The following RIMBP2 variants were observed in gnomAD, a reference collection of about 807,000 sequenced individuals.
RIMBP2 encodes RIMS binding protein 2.
Under a neutral mutation model 118.6 loss-of-function variants are expected in RIMBP2, and 48 were observed. The observed-to-expected ratio is 0.40, with a 90% confidence interval of 0.32 to 0.51. The LOEUF (loss-of-function observed/expected upper bound fraction) is 0.51, where lower values mean the gene tolerates loss of function less well. Among genes scored for constraint, RIMBP2 ranks in the 20% least tolerant of loss-of-function variants. The probability of loss-of-function intolerance (pLI) is 0.41; values close to 1 mark genes in which losing one functional copy is unlikely to be tolerated. For missense variants in RIMBP2, 1,551 were observed against 1,768.3 expected (o/e 0.88, Z 2.20); for synonymous variants, 762 against 742.9 (o/e 1.03, Z -0.42).
chr12:130,409,415 T>C (rs1451505495), intron 19 of RIMBP2, among the ~76,000 whole-genome samples: 1 of 134,686 alleles, frequency 7.4e-6, no homozygotes. Flanking sequence ...CGATCCCGGC[T>C]CACTGCAAGC....
chr12:130,496,652 T>C lies in RIMBP2; in HGVS notation c.-4+9996A>G, dbSNP rs568914202. The stretch of plus-strand genomic sequence containing the variant: ...CCTTCTATGTCGGGCCCCCAGCAGC[T>C]ATGGCGCTGGGCAGGCCCGCTCCCC... On this transcript the variant is annotated intron_variant, in intron 4 of 22. Coordinates refer to ENST00000690449, the MANE Select transcript of RIMBP2 (RefSeq NM_001393629.1). Among the ~76,000 whole-genome samples the C allele has an allele frequency of 1.5e-4, 20 of 129,070 alleles. No individual in the cohort carries two copies. The Admixed American group carries it at 1.6e-3, about 10-fold the overall frequency. The allele number at this position is 129,070 out of a possible 152,430, so 84.7% of individuals were successfully genotyped here.
chr12:130,428,066 A>G, intron 15 of RIMBP2, 113 bp downstream of exon 15: 3 of 963,368 alleles, frequency 3.1e-6, no homozygotes, highest in Non-Finnish European at 4.5e-6. Context: ...TCCGAGGGCT[A>G]CTGGTTGTAG....
At chr12:130,432,084 G>A in intron 14 of RIMBP2, 1 of 370,864 alleles carries the variant, frequency 2.7e-6, no homozygotes, top group Non-Finnish European at 5.3e-6. Flanking sequence ...AACCAGTGGG[G>A]GTATGGGTCC....
chr12:130,702,691 T>A (rs1357511277), intron 1 of RIMBP2, among the ~76,000 whole-genome samples: 2 of 152,012 alleles, frequency 1.3e-5, no homozygotes, highest in Non-Finnish European at 2.9e-5. Context: ...GCCCTTCCTG[T>A]TTTGTTAGTA....
intron 2 of RIMBP2, among the ~76,000 whole-genome samples, chr12:130,590,999 A>G (rs1251983804): frequency 6.6e-6 from 1 of 152,218 alleles, no homozygotes; most frequent in Non-Finnish European, 1.5e-5. Flanking sequence ...AACGAGAGCA[A>G]CGCACTTGGA....
chr12:130,488,009 G>A (rs1265224699), intron 4 of RIMBP2, among the ~76,000 whole-genome samples: 6 of 152,136 alleles, frequency 3.9e-5, no homozygotes, highest in East Asian at 1.9e-4. Flanking sequence ...CTCCATTTCC[G>A]TGTGTGCACT....
At chr12:130,580,926 GGT>G (rs34292565) in intron 2 of RIMBP2, among the ~76,000 whole-genome samples, 38 of 149,406 alleles carry the variant, frequency 2.5e-4, no homozygotes, top group African/African-American at 3.7e-4. Context: ...ACCCAGCAAT[GGT>G]GTGTGTGTGT....
At chr12:130,517,482 AG>A (rs1942163108) in intron 3 of RIMBP2, among the ~76,000 whole-genome samples, 2 of 152,164 alleles carry the variant, frequency 1.3e-5, no homozygotes, top group Admixed American at 1.3e-4. Flanking sequence ...AGCGCCCAGG[AG>A]GCCCCATCAT....
intron 1 of RIMBP2, among the ~76,000 whole-genome samples, chr12:130,631,610 C>T (rs1428820010): frequency 6.6e-6 from 1 of 151,880 alleles, no homozygotes; most frequent in Non-Finnish European, 1.5e-5. Context: ...GCTCAAAGCC[C>T]TTTGAGAACC....
intron 2 of RIMBP2, among the ~76,000 whole-genome samples, chr12:130,616,138 C>T (rs770623652): frequency 3.3e-5 from 5 of 152,132 alleles, no homozygotes; most frequent in African/African-American, 7.2e-5. Context: ...CACAACGTTC[C>T]GCCTGCACGT....
chr12:130,600,994 A>T (rs1380951222), intron 2 of RIMBP2, among the ~76,000 whole-genome samples: 1 of 152,130 alleles, frequency 6.6e-6, no homozygotes, highest in African/African-American at 2.4e-5. Context: ...CCTTGTAGCC[A>T]TCTCCAAGCC....
At position 130,622,929 on chromosome 12, in the gene RIMBP2, G is replaced by A. The variant is rs1345460985; in HGVS notation, c.-217+5393C>T. Among the ~76,000 whole-genome samples, 2 of 152,190 alleles carry A rather than the reference G, an allele frequency of 1.3e-5. No individual in the cohort carries two copies. The highest frequency in any genetic ancestry group is 2.9e-5 in the Non-Finnish European group (2 of 68,038). On this transcript the variant is annotated intron_variant, in intron 2 of 22. Coordinates refer to ENST00000690449, the MANE Select transcript of RIMBP2 (RefSeq NM_001393629.1). This position sits in a 1 kb window ranked among gnomAD's most constrained non-coding sequence, Gnocchi z 8.5. ...CTTGCCTACTAAGCCCTGCAGGTAG[G>A]AACAAGAAGACTCATCTAACAGAGA...
chr12:130,400,310 A>G (rs1415495799), intron 21 of RIMBP2, among the ~76,000 whole-genome samples: 1 of 152,190 alleles, frequency 6.6e-6, no homozygotes, highest in Non-Finnish European at 1.5e-5. Flanking sequence ...CCTCTTACTC[A>G]TGGATAGGTT....
chr12:130,593,587 G>A (rs932512983), intron 2 of RIMBP2, among the ~76,000 whole-genome samples: 7 of 152,236 alleles, frequency 4.6e-5, no homozygotes, highest in Non-Finnish European at 5.9e-5. Flanking sequence ...GCTGGATGGC[G>A]ACGTGAGTTG....
At chr12:130,495,606 A>G (rs958277479) in intron 4 of RIMBP2, among the ~76,000 whole-genome samples, 8 of 152,228 alleles carry the variant, frequency 5.3e-5, no homozygotes, top group African/African-American at 1.9e-4. Context: ...GAAAACAAAA[A>G]TAACCTTGGA....
chr12:130,703,756 C>T lies in RIMBP2; in HGVS notation c.-352+12466G>A, dbSNP rs2632603. On this transcript the variant is annotated intron_variant, in intron 1 of 22. Transcript: ENST00000690449. This position sits in a 1 kb window ranked among gnomAD's most constrained non-coding sequence, Gnocchi z 5.7. ...TAGTATATTGGGAGTGCGTTTGAAA[C>T]GGTGTTTCCTAGGGGAGAAGAAAGG... Among the ~76,000 whole-genome samples, 86,750 of 152,024 alleles carry T rather than the reference C, an allele frequency of 0.57. 28,026 individuals are homozygous for T. The highest frequency in any genetic ancestry group is 0.75 in the Non-Finnish European group (50,738 of 67,976).
intron 19 of RIMBP2, among the ~76,000 whole-genome samples, chr12:130,409,362 A>G (rs1484560030): frequency 4.1e-5 from 1 of 24,140 alleles, no homozygotes; most frequent in Admixed American, 6.9e-4. Context: ...TTTTTTTTTG[A>G]GATGGACTCT....
chr12:130,657,410 A>G (rs2063474291), intron 1 of RIMBP2, among the ~76,000 whole-genome samples: 1 of 152,212 alleles, frequency 6.6e-6, no homozygotes, highest in African/African-American at 2.4e-5. Context: ...CCCTCTACAC[A>G]CACTGCAGGC....
In RIMBP2 at chr12:130,447,071, CGGAGGA is replaced by C. The variant is rs141080486; in HGVS notation, c.582-1808_582-1803del. On this transcript the variant is annotated intron_variant, in intron 9 of 22. Transcript: ENST00000690449. This position sits in a 1 kb window ranked among gnomAD's most constrained non-coding sequence, Gnocchi z 4.4. ...GACACAGAAGCTGGCAGAGTGTTCT[CGGAGGA>C]GGAGGAGGAGGAGGAGGGAGCGAGA... 4.6e-4 allele frequency among the ~76,000 whole-genome samples: 69 copies of C among 149,820 alleles called. No individual in the cohort carries two copies. Among genetic ancestry groups the C allele is most frequent in the Admixed American group, 2.7e-3 (41 of 15,102 alleles).
Sources: allele counts gnomAD v4.1 joint callset (sites outside exome capture counted in the v4.1 genomes callset), GRCh38; gene constraint gnomAD v4.1.1; non-coding constraint Gnocchi (gnomAD v3.1); transcripts MANE v1.5; gene names NCBI Gene and HGNC (gene_info 2026-07-23, HGNC 2026-07-21).